SHANK1: variants seen among roughly 807,000 people sequenced by gnomAD.
SHANK1 encodes the protein SH3 and multiple ankyrin repeat domains 1.
A neutral mutation model predicts 165.6 loss-of-function variants in SHANK1; 35 were observed. The observed-to-expected ratio is 0.21, with a 90% CI of 0.16 to 0.28. The LOEUF (loss-of-function observed/expected upper bound fraction) is 0.28, where lower values mean the gene tolerates loss of function less well. Ranked by LOEUF, SHANK1 falls within the 10% of genes least tolerant of loss-of-function variation. The pLI, the probability that SHANK1 is intolerant of heterozygous loss-of-function variation, is 1.00. For missense variants in SHANK1, 2,681 were observed against 3,036.4 expected (o/e 0.88, Z 2.75); for synonymous variants, 1,428 against 1,384.8 (o/e 1.03, Z -0.69).
At position 50,666,577 on chromosome 19, in the gene SHANK1, C is replaced by G; in HGVS notation, c.5383G>C (p.Asp1795His). Reference sequence around the variant, plus strand: ...CAAGCACGCAGGGCCAGCAGCCCATCGGTTCCAGCCCCTGTCACCGAGACG... The same window carrying G: ...CAAGCACGCAGGGCCAGCAGCCCATGGGTTCCAGCCCCTGTCACCGAGACG... ...PTVSVTGAGT[D>H]GLLALRACSG... The change falls in exon 23 of 24, where the codon GAT (aspartate) becomes CAT (histidine). Residue 1795 changes from aspartate (D) to histidine (H), a missense_variant. Transcript: ENST00000293441. 6.3e-7 allele frequency: 1 copy of G among 1,599,644 alleles called. No individual in the cohort carries two copies. The highest frequency in any genetic ancestry group is 8.5e-7 in the Non-Finnish European group (1 of 1,175,156).
rs779191205 is a variant in SHANK1 at position 50,668,407 on chromosome 19, G to A, written c.3553C>T (p.Pro1185Ser). The change falls in exon 23 of 24, where the codon CCG becomes TCG. Residue 1185 changes from proline (P) to serine (S), a missense_variant. Physicochemically the swap from Pro to Ser is moderately conservative, Grantham distance 74. Coordinates refer to ENST00000293441, the MANE Select transcript of SHANK1 (RefSeq NM_016148.5). ...SSTEAEPPTQPEPTGGGGGGG... is the reference protein window; with the variant it reads ...SSTEAEPPTQSEPTGGGGGGG... ...CCGCCGCCGCCTCCCGTGGGCTCCG[G>A]CTGGGTGGGGGGCTCCGCCTCGGTG... is the stretch of plus-strand genomic sequence containing the variant. The A allele has an allele frequency of 1.5e-6, 2 of 1,320,598 alleles. No homozygotes were observed. Among genetic ancestry groups the A allele is most frequent in the Non-Finnish European group, 9.7e-7 (1 of 1,033,090 alleles). The allele number at this position is 1,320,598 out of a possible 1,614,324, so 81.8% of individuals were successfully genotyped here. A position where few individuals can be genotyped will look rare whatever the true frequency, so the allele number is the denominator to read the frequency against.
chr19:50,662,502 G>A lies in SHANK1; in HGVS notation c.5949C>T (p.Leu1983=). The change falls in exon 24 of 24, where the codon CTC becomes CTT. Residue 1983 remains leucine (L), a synonymous_variant. Transcript: ENST00000293441. The surrounding 1 kb of genome is among the most constrained non-coding windows in gnomAD (Gnocchi z 7.7). ...ASSSSTSTRH[L]QGVEFEMRPP... is the part of the protein sequence containing the mutation. ...GCCGCATCTCGAACTCCACGCCCTG[G>A]AGGTGGCGGGTGGACGTGGAGGAGG... The A allele has an allele frequency of 6.4e-7, 1 of 1,559,780 alleles. No homozygotes were observed. Among genetic ancestry groups the A allele is most frequent in the Non-Finnish European group, 8.7e-7 (1 of 1,152,040 alleles).
chr19:50,712,179 C>A, intron 6 of SHANK1, 65 bp from the exon 7 acceptor site: 2 of 1,505,872 alleles, frequency 1.3e-6, no homozygotes. Flanking sequence ...CCAGCTCATT[C>A]TGAAGGGCCA....
At position 50,666,950 on chromosome 19, in the gene SHANK1, G is replaced by C; in HGVS notation, c.5010C>G (p.Gly1670=). The change falls in exon 23 of 24, where the codon GGC becomes GGG. Residue 1670 remains glycine, a synonymous_variant. Coordinates refer to ENST00000293441, the MANE Select transcript of SHANK1 (RefSeq NM_016148.5). ...CCACCTCCTCGATGCCAGAATCCGT[G>C]CCAGGCGGAGGGTCCGGGCCAGGCT... ...APQPGPDPPP[G]TDSGIEEVDS... The C allele has an allele frequency of 6.3e-7, 1 of 1,597,852 alleles. No homozygotes were observed. The highest frequency in any genetic ancestry group is 8.5e-7 in the Non-Finnish European group (1 of 1,171,852).
intron 21 of SHANK1, among the ~76,000 whole-genome samples, chr19:50,683,255 TG>T (rs1457342116): frequency 6.6e-6 from 1 of 152,198 alleles, no homozygotes; most frequent in Non-Finnish European, 1.5e-5. Context: ...CCAGGGGTGC[TG>T]CTGAAATCCT....
chr19:50,704,294 A>G (rs2088911038), intron 9 of SHANK1, 108 bp from the exon 10 acceptor site: 24 of 1,332,108 alleles, frequency 1.8e-5, no homozygotes, highest in South Asian at 1.3e-4. Context: ...CACTCCGACA[A>G]TGCCGCCCTC....
At chr19:50,681,898 C>G (rs1369822261) in intron 21 of SHANK1, among the ~76,000 whole-genome samples, 4 of 152,036 alleles carry the variant, frequency 2.6e-5, no homozygotes. Context: ...CGGCACACAC[C>G]ATGACTGGCT....
intron 21 of SHANK1, among the ~76,000 whole-genome samples, chr19:50,673,086 G>A (rs938745898): frequency 2.0e-5 from 3 of 152,156 alleles, no homozygotes; most frequent in African/African-American, 7.2e-5. Flanking sequence ...CTGCTTCCTG[G>A]AGCAGCCCAC....
At chr19:50,680,330 C>T (rs543268309) in intron 21 of SHANK1, among the ~76,000 whole-genome samples, 20 of 152,120 alleles carry the variant, frequency 1.3e-4, no homozygotes, top group Admixed American at 4.6e-4. Context: ...AGAGGGCCTG[C>T]GCAGCCCCAG....
chr19:50,670,241 G>C lies in SHANK1; in HGVS notation c.2675-956C>G, dbSNP rs1448011256. Among the ~76,000 whole-genome samples, 4 of 152,112 alleles carry C rather than the reference G, an allele frequency of 2.6e-5. No individual in the cohort carries two copies. The highest frequency in any genetic ancestry group is 5.9e-5 in the Non-Finnish European group (4 of 68,030). ...GCAGCTCTGTCCTTTCAGGTGCTAA[G>C]ACTGAAAACCTTGCAGCCACTCTTA... On this transcript the variant is annotated intron_variant, in intron 22 of 23. Transcript: ENST00000293441. This position sits in a 1 kb window ranked among gnomAD's most constrained non-coding sequence, Gnocchi z 4.1.
chr19:50,668,005 C>T lies in SHANK1; in HGVS notation c.3955G>A (p.Ala1319Thr). 3.4e-6 allele frequency: 5 copies of T among 1,473,928 alleles called. No homozygotes were observed. The highest frequency in any genetic ancestry group is 4.5e-6 in the Non-Finnish European group (5 of 1,118,238). 91.3% of individuals were successfully genotyped at this position (1,473,928 alleles called of 1,614,324 possible). Residue 1319 changes from alanine to threonine, a missense_variant, in exon 23 of 24, where the codon GCC becomes ACC. Transcript: ENST00000293441. Reference sequence around the variant, plus strand: ...CTGCTGCCCCCGCCACCCCCGTAGGCTCGGCTACCGGCCCCGTAGCCGCCG... The same window carrying T: ...CTGCTGCCCCCGCCACCCCCGTAGGTTCGGCTACCGGCCCCGTAGCCGCCG... Reference protein sequence around the residue: ...GYGGYGAGSRAYGGGGGSSAF... With the variant: ...GYGGYGAGSRTYGGGGGSSAF...
In SHANK1 at chr19:50,697,500, G is replaced by T; in HGVS notation, c.1937+89C>A. On this transcript the variant is annotated intron_variant, in intron 14 of 23. Coordinates refer to ENST00000293441, the MANE Select transcript of SHANK1 (RefSeq NM_016148.5). This position sits in a 1 kb window ranked among gnomAD's most constrained non-coding sequence, Gnocchi z 4.7. ...TTGAGAAGGAACAGATTAGAAAGGG[G>T]GCTTAGAGGTGATGGAAATATTTAA... 9.7e-7 allele frequency: 1 copy of T among 1,035,386 alleles called. No homozygotes were observed. 64.1% of individuals were successfully genotyped at this position (1,035,386 alleles called of 1,614,324 possible). A position where few individuals can be genotyped will look rare whatever the true frequency, so the allele number is the denominator to read the frequency against.
chr19:50,709,342 C>T (rs1223557659), intron 8 of SHANK1, among the ~76,000 whole-genome samples: 5 of 152,040 alleles, frequency 3.3e-5, no homozygotes, highest in South Asian at 2.1e-4. Context: ...GGGATTTCAG[C>T]GTGTTAGCCA....
chr19:50,673,909 A>G (rs141361942), intron 21 of SHANK1, among the ~76,000 whole-genome samples: 7 of 150,220 alleles, frequency 4.7e-5, no homozygotes, highest in African/African-American at 1.7e-4. Flanking sequence ...TCCCAACCCC[A>G]ACCTTCTGAG....
intron 12 of SHANK1, 67 bp from the exon 13 acceptor site, chr19:50,698,023 C>T (rs1217722788): frequency 1.8e-6 from 2 of 1,127,508 alleles, no homozygotes; most frequent in East Asian, 2.5e-5. Context: ...TGCCAACACA[C>T]TCAACTTAGA....
chr19:50,667,830 G>A lies in SHANK1; in HGVS notation c.4130C>T (p.Pro1377Leu). Residue 1377 changes from proline to leucine, a missense_variant, in exon 23 of 24, where the codon CCT (proline) becomes CTT (leucine). By Grantham distance (98) the Pro-to-Leu change is moderately conservative. Around this residue, in one of 10 missense-constraint regions of SHANK1, gnomAD observed 1,713 missense variants for 1,630.2 expected, o/e 1.05. Transcript: ENST00000293441. The surrounding 1 kb of genome is among the most constrained non-coding windows in gnomAD (Gnocchi z 5.7). The part of the protein sequence containing the change: ...SSEGGGAPQP[P>L]PRPPSPRYEA... ...GTAGCGGGGCGATGGGGGCCTGGGAGGCGGCTGGGGGGCCCCGCCGCCCTC... is the reference window on the plus strand; with the variant it reads ...GTAGCGGGGCGATGGGGGCCTGGGAAGCGGCTGGGGGGCCCCGCCGCCCTC... 1 of 1,297,326 alleles carries A rather than the reference G, an allele frequency of 7.7e-7. No individual in the cohort carries two copies. The highest frequency in any genetic ancestry group is 9.7e-7 in the Non-Finnish European group (1 of 1,027,210). The allele number at this position is 1,297,326 out of a possible 1,614,324, so 80.4% of individuals were successfully genotyped here.
chr19:50,667,381 C>A lies in SHANK1; in HGVS notation c.4579G>T (p.Val1527Leu). Residue 1527 changes from valine (V) to leucine (L), a missense_variant, in exon 23 of 24, where the codon GTG (valine) becomes TTG (leucine). By Grantham distance (32) the Val-to-Leu change is conservative (BLOSUM62 1). This residue lies in a region of SHANK1 where 1,713 missense variants were observed against 1,630.2 expected (regional missense o/e 1.05). Transcript: ENST00000293441. The surrounding 1 kb of genome is among the most constrained non-coding windows in gnomAD (Gnocchi z 5.7). Reference sequence around the variant, plus strand: ...CTCGGGGAGGTCGGGGAGGGGGGCACGGACCGGCGTGGGCTGGGCGGCGGG... The same window carrying A: ...CTCGGGGAGGTCGGGGAGGGGGGCAAGGACCGGCGTGGGCTGGGCGGCGGG... ...GVPPPSPRRS[V>L]PPSPTSPRAS... 1 of 1,530,102 alleles carries A rather than the reference C, an allele frequency of 6.5e-7. No homozygotes were observed. The highest frequency in any genetic ancestry group is 8.8e-7 in the Non-Finnish European group (1 of 1,142,746). The allele number at this position is 1,530,102 out of a possible 1,614,324, so 94.8% of individuals were successfully genotyped here. A position where few individuals can be genotyped will look rare whatever the true frequency, so the allele number is the denominator to read the frequency against.
Position 50,703,580 on chromosome 19 carries a change from G to A in SHANK1, c.1473C>T (p.Ser491=), listed in dbSNP as rs1350722647. 3.9e-6 allele frequency: 6 copies of A among 1,557,882 alleles called. No individual in the cohort carries two copies. Among genetic ancestry groups the A allele is most frequent in the Admixed American group, 1.9e-5 (1 of 52,814 alleles). ...GAGAGCGGGCCCTGGCACCCCGGGG[G>A]CTGCTGGCACTTCGGAGGGTCCCGC... The part of the protein sequence containing the change: ...LSSGTLRSAS[S]PRGARARSPS... The change falls in exon 11 of 24, where the codon AGC becomes AGT. Residue 491 remains serine, a synonymous_variant. Transcript: ENST00000293441.
At chr19:50,663,157 C>T (rs1599835796) in intron 23 of SHANK1, 1 of 196,302 alleles carries the variant, frequency 5.1e-6, no homozygotes, top group East Asian at 1.5e-4. Flanking sequence ...GAGCTCTTCA[C>T]CACTATTCTA....
Sources: allele counts gnomAD v4.1 joint callset (sites outside exome capture counted in the v4.1 genomes callset), GRCh38; gene constraint gnomAD v4.1.1; regional missense constraint gnomAD v4.1.1; non-coding constraint Gnocchi (gnomAD v3.1); transcripts MANE v1.5; gene names NCBI Gene and HGNC (gene_info 2026-07-23, HGNC 2026-07-21).